The following MLH3 variants were observed in gnomAD, a reference collection of about 807,000 sequenced individuals.
MLH3 encodes the protein DNA mismatch repair protein Mlh3.
Under a neutral mutation model 122.2 loss-of-function variants are expected in MLH3, and 82 were observed. The observed-to-expected ratio is 0.67, with a 90% CI of 0.56 to 0.81. MLH3 has a LOEUF of 0.81. Ranked by LOEUF, MLH3 falls within the 30% of genes least tolerant of loss-of-function variation. MLH3 has a pLI of 0.00. For synonymous variants in MLH3, 524 were observed against 599.5 expected (o/e 0.87, Z 1.84); for missense variants, 1,539 against 1,714.5 (o/e 0.90, Z 1.81).
At chr14:75,019,530 T>G (rs1487693403) in intron 11 of MLH3, among the ~76,000 whole-genome samples, 1 of 152,144 alleles carries the variant, frequency 6.6e-6, no homozygotes, top group African/African-American at 2.4e-5. Flanking sequence ...GTATTTGTAT[T>G]TCTAATCTCT....
intron 7 of MLH3, 71 bp downstream of exon 7, chr14:75,033,348 G>A (rs1891174991): frequency 8.2e-7 from 1 of 1,215,998 alleles, no homozygotes; most frequent in Admixed American, 1.7e-5. Context: ...GTTGCAGTTA[G>A]AAAAGCTCTT....
rs1238782997 is a variant in MLH3 at position 75,015,656 on chromosome 14, TA to T, written c.*1425del. 3.5e-5 allele frequency: 7 copies of T among 202,120 alleles called. No homozygotes were observed. The highest frequency in any genetic ancestry group is 1.6e-4 in the African/African-American group (7 of 43,628). 12.5% of individuals were successfully genotyped at this position (202,120 alleles called of 1,614,324 possible). On this transcript the variant is annotated 3_prime_UTR_variant, in exon 13 of 13. Coordinates refer to ENST00000355774, the MANE Select transcript of MLH3 (RefSeq NM_001040108.2). ...ATCCGTTTATATGTATTTAGAAGAA[TA>T]AAAGCCATTTTTTAGACAGTAGGGC... is the stretch of plus-strand genomic sequence containing the variant.
At chr14:75,024,754 C>T (rs1042815631) in intron 9 of MLH3, among the ~76,000 whole-genome samples, 4 of 152,198 alleles carry the variant, frequency 2.6e-5, no homozygotes, top group Non-Finnish European at 2.9e-5. Context: ...ATAGGATAAT[C>T]AAGATTTTAT....
intron 3 of MLH3, 40 bp from the exon 4 acceptor site, chr14:75,041,740 C>A (rs967642942): frequency 1.4e-6 from 2 of 1,462,756 alleles, no homozygotes; most frequent in Non-Finnish European, 1.9e-6. Flanking sequence ...CATCCAGAAC[C>A]ACAGGGAAAG....
At chr14:75,027,264 C>CA (rs1566579749) in intron 9 of MLH3, among the ~76,000 whole-genome samples, 1 of 144,348 alleles carries the variant, frequency 6.9e-6, no homozygotes, top group Admixed American at 6.9e-5. Flanking sequence ...CATTCACGGA[C>CA]TTTTTTTTTT....
intron 6 of MLH3, 46 bp from the exon 7 acceptor site, chr14:75,033,536 C>A (rs756631568): frequency 6.9e-7 from 1 of 1,449,250 alleles, no homozygotes; most frequent in Non-Finnish European, 9.7e-7. Flanking sequence ...AGCAAGACGA[C>A]AACCATCATG....
In MLH3 at chr14:75,046,671, T is replaced by C; in HGVS notation, c.2985A>G (p.Ile995Met). The C allele has an allele frequency of 6.2e-7, 1 of 1,614,206 alleles. No homozygotes were observed. Among genetic ancestry groups the C allele is most frequent in the South Asian group, 1.1e-5 (1 of 91,082 alleles). Reference protein sequence around the residue: ...DVLIRASEQQIGSLDSPSGML... With the variant: ...DVLIRASEQQMGSLDSPSGML... Reference sequence around the variant, plus strand: ...TTCCACTGGGAGAGTCAAGACTTCCTATCTGTTGTTCTGAGGCTCTGATAA... The same window carrying C: ...TTCCACTGGGAGAGTCAAGACTTCCCATCTGTTGTTCTGAGGCTCTGATAA... Residue 995 changes from isoleucine to methionine, a missense_variant, in exon 2 of 13, where the codon ATA (isoleucine) becomes ATG (methionine). By Grantham distance (10) the Ile-to-Met change is conservative. Transcript: ENST00000355774.
At chr14:75,032,858 T>C (rs1595055501) in intron 7 of MLH3, among the ~76,000 whole-genome samples, 1 of 52,882 alleles carries the variant, frequency 1.9e-5, no homozygotes, top group African/African-American at 4.7e-5. Flanking sequence ...AAAGCATATA[T>C]TGCTTTGGAA....
chr14:75,033,448 T>C lies in MLH3; in HGVS notation c.3686A>G (p.Glu1229Gly). The change falls in exon 7 of 13, where the codon GAG becomes GGG. Residue 1229 changes from glutamate to glycine, a missense_variant. Glu to Gly is a moderately conservative substitution (Grantham distance 98). Coordinates refer to ENST00000355774, the MANE Select transcript of MLH3 (RefSeq NM_001040108.2). ...GATAAGCTGCTCCAGACGTATACGC[T>C]CATGGGCAGCGTGCTGATCCACCAG... is the stretch of plus-strand genomic sequence containing the variant. ...LVLVDQHAAH[E>G]RIRLEQLIID... The C allele has an allele frequency of 6.2e-7, 1 of 1,614,124 alleles. No individual in the cohort carries two copies. Among genetic ancestry groups the C allele is most frequent in the Non-Finnish European group, 8.5e-7 (1 of 1,180,014 alleles).
In MLH3 at chr14:75,033,497, G is replaced by T; in HGVS notation, c.3644-7C>A. 1 of 1,612,160 alleles carries T rather than the reference G, an allele frequency of 6.2e-7. No individual in the cohort carries two copies. Among genetic ancestry groups the T allele is most frequent in the South Asian group, 1.1e-5 (1 of 90,992 alleles). ...AGCACGAGCAGGTTCCCACCTAGAT[G>T]AGCAAGGATTGTGAACTTTGATTCT... On this transcript the variant is annotated splice_polypyrimidine_tract_variant and splice_region_variant and intron_variant, in intron 6 of 12. Coordinates refer to ENST00000355774, the MANE Select transcript of MLH3 (RefSeq NM_001040108.2).
chr14:75,019,410 CAAAAAAAAAAA>C (rs11306878), intron 11 of MLH3, among the ~76,000 whole-genome samples: 1 of 68,634 alleles, frequency 1.5e-5, no homozygotes, highest in South Asian at 6.5e-4. Flanking sequence ...ACTCCGTTCT[CAAAAAAAAAAA>C]AAAAAAAAAA....
At chr14:75,037,720 A>G (rs956337717) in intron 6 of MLH3, among the ~76,000 whole-genome samples, 5 of 152,132 alleles carry the variant, frequency 3.3e-5, no homozygotes, top group Admixed American at 1.3e-4. Flanking sequence ...AGGGAGGCAG[A>G]GGTGGAAGGA....
At chr14:75,019,147 C>T (rs545983061) in intron 11 of MLH3, 167 bp from the exon 12 acceptor site, 11 of 656,982 alleles carry the variant, frequency 1.7e-5, no homozygotes, top group Non-Finnish European at 2.9e-5. Flanking sequence ...CATGGTGTCT[C>T]ACACCTGTAA....
In MLH3 at chr14:75,048,336, C is replaced by T; in HGVS notation, c.1320G>A (p.Leu440=). 6.2e-7 allele frequency: 1 copy of T among 1,613,868 alleles called. No individual in the cohort carries two copies. The highest frequency in any genetic ancestry group is 1.1e-5 in the South Asian group (1 of 90,986). ...ATRKNTNDAF[L]YIYESGGPGH... is the part of the protein sequence containing the mutation. ...CTGGACCACCTGATTCATAAATGTACAAAAATGCATCATTTGTATTTTTTC... is the reference window on the plus strand; with the variant it reads ...CTGGACCACCTGATTCATAAATGTATAAAAATGCATCATTTGTATTTTTTC... Residue 440 remains leucine (L), a synonymous_variant, in exon 2 of 13, where the codon TTG becomes TTA. Coordinates refer to ENST00000355774, the MANE Select transcript of MLH3 (RefSeq NM_001040108.2).
rs78311619 is a variant in MLH3 at position 75,042,414 on chromosome 14, C to T, written c.3344G>A (p.Arg1115Gln). 7.9e-5 allele frequency: 128 copies of T among 1,614,138 alleles called. No individual in the cohort carries two copies. In the African/African-American group the frequency reaches 1.3e-3, roughly 17 times the overall value. The change falls in exon 3 of 13, where the codon CGA becomes CAA. Residue 1115 changes from arginine (R) to glutamine (Q), a missense_variant. Coordinates refer to ENST00000355774, the MANE Select transcript of MLH3 (RefSeq NM_001040108.2). ...DLVLPFLPRA[R>Q]AERTVMRQDN... ...CTGTCTCATCACAGTCCTCTCTGCT[C>T]GAGCTCTCGGAAGGAAAGGAAGAAC...
intron 8 of MLH3, among the ~76,000 whole-genome samples, chr14:75,031,467 C>T (rs1891042880): frequency 6.6e-6 from 1 of 152,180 alleles, no homozygotes; most frequent in Admixed American, 6.5e-5. Flanking sequence ...AAGCCAACTG[C>T]TGGAAAAAAT....
intron 1 of MLH3, among the ~76,000 whole-genome samples, 187 bp downstream of exon 1, chr14:75,051,193 C>T (rs1386554865): frequency 6.6e-6 from 1 of 152,164 alleles, no homozygotes; most frequent in Non-Finnish European, 1.5e-5. Flanking sequence ...TCCCGCCAGG[C>T]CCAGCCCCTC....
intron 11 of MLH3, 160 bp from the exon 12 acceptor site, chr14:75,019,140 G>A (rs1890099162): frequency 2.9e-6 from 2 of 682,562 alleles, no homozygotes. Flanking sequence ...GGCCGGGCAT[G>A]GTGTCTCACA....
In MLH3 at chr14:75,041,685, G is replaced by GT; in HGVS notation, c.3394dup (p.Thr1132AsnfsTer3). 2 of 1,613,678 alleles carry GT rather than the reference G, an allele frequency of 1.2e-6. No individual in the cohort carries two copies. Among genetic ancestry groups the GT allele is most frequent in the South Asian group, 1.1e-5 (1 of 91,070 alleles). On this transcript the variant is annotated frameshift_variant, in exon 4 of 13. Transcript: ENST00000355774. LOFTEE classifies it high-confidence loss of function. ...AGACTGAAGCGATTCGCTACTAACA[G>GT]TATCATCCACAGTATCTAGGGCAAA...
Sources: gnomAD v4.1 joint callset for allele counts (sites outside exome capture counted in the v4.1 genomes callset) on GRCh38, gnomAD v4.1.1 for gene constraint, MANE v1.5 for transcripts, NCBI Gene and HGNC (gene_info 2026-07-23, HGNC 2026-07-21) for gene names.